HLA-DPB1: variants seen among roughly 807,000 people sequenced by gnomAD.
The protein encoded by HLA-DPB1 is HLA class II histocompatibility antigen, DP beta 1 chain.
In HLA-DPB1, 30 loss-of-function variants were observed where a neutral mutation model predicts 29.4. That is an observed-to-expected ratio of 1.02 (90% CI 0.76 to 1.38). The LOEUF (loss-of-function observed/expected upper bound fraction) is 1.38, where lower values mean the gene tolerates loss of function less well. HLA-DPB1 is among the 40% of genes most tolerant of loss of function. The probability of loss-of-function intolerance (pLI) is 0.00; values close to 1 mark genes in which losing one functional copy is unlikely to be tolerated. For synonymous variants in HLA-DPB1, 114 were observed against 134.0 expected, an observed-to-expected ratio of 0.85 and a Z score of 1.03; for missense variants, 261 against 327.5, an observed-to-expected ratio of 0.80 and a Z score of 1.57.
rs935029305 is a variant in HLA-DPB1 at position 33,089,012 on chromosome 6, G to A, written c.*2478G>A. ...ACACTGCCTCAGATGGTTATCAAGG[G>A]GTACCCTAAGAAGAAATCATCTCAC... On this transcript the variant is annotated 3_prime_UTR_variant, in exon 6 of 6. Transcript: ENST00000418931. Among the ~76,000 whole-genome samples the A allele has an allele frequency of 6.6e-6, 1 of 152,018 alleles. No individual in the cohort carries two copies. Among genetic ancestry groups the A allele is most frequent in the Non-Finnish European group, 1.5e-5 (1 of 68,018 alleles).
rs757429222 is a variant in HLA-DPB1, at chr6:33,086,203, T to C, written c.758-16T>C. ...TTTCAATGGCTGATTATATAACCTT[T>C]CGTCTTTCATTTCAGTTCAACGAGG... On this transcript the variant is annotated splice_polypyrimidine_tract_variant and intron_variant, in intron 4 of 5. Transcript: ENST00000418931. The C allele has an allele frequency of 8.3e-6, 13 of 1,565,974 alleles. No individual in the cohort carries two copies. The highest frequency in any genetic ancestry group is 1.4e-5 in the African/African-American group (1 of 72,230).
At position 33,076,071 on chromosome 6, in the gene HLA-DPB1, C is replaced by A; in HGVS notation, c.30C>A (p.Pro10=). Residue 10 remains proline (P), a synonymous_variant, in exon 1 of 6, where the codon CCC becomes CCA. Coordinates refer to ENST00000418931, the MANE Select transcript of HLA-DPB1 (RefSeq NM_002121.6). MMVLQVSAA[P]RTVALTALLM... ...TGGTTCTGCAGGTTTCTGCGGCCCCCCGGACAGTGGCTCTGACGGCGTTAC... is the reference window on the plus strand; with the variant it reads ...TGGTTCTGCAGGTTTCTGCGGCCCCACGGACAGTGGCTCTGACGGCGTTAC... 1 of 1,612,632 alleles carries A rather than the reference C, an allele frequency of 6.2e-7. No homozygotes were observed. Among genetic ancestry groups the A allele is most frequent in the Non-Finnish European group, 8.5e-7 (1 of 1,179,920 alleles).
chr6:33,076,066 GC>G lies in HLA-DPB1; in HGVS notation c.31del (p.Arg11GlyfsTer5). 6.2e-7 allele frequency: 1 copy of G among 1,612,324 alleles called. No homozygotes were observed. MMVLQVSA[A>X]PRTVALTALL... is the part of the protein sequence containing the mutation. ...CATGATGGTTCTGCAGGTTTCTGCGGCCCCCCGGACAGTGGCTCTGACGGCG... is the reference window on the plus strand; with the variant it reads ...CATGATGGTTCTGCAGGTTTCTGCGGCCCCCGGACAGTGGCTCTGACGGCG... On this transcript the variant is annotated frameshift_variant, in exon 1 of 6. Transcript: ENST00000418931. LOFTEE classifies it high-confidence loss of function.
At chr6:33,086,466 C>T (rs1763110438) in intron 5 of HLA-DPB1, 73 bp from the exon 6 acceptor site, 4 of 696,908 alleles carry the variant, frequency 5.7e-6, no homozygotes, top group African/African-American at 1.8e-5. Flanking sequence ...CATCCTCTCA[C>T]CATAATTTTT....
intron 1 of HLA-DPB1, among the ~76,000 whole-genome samples, chr6:33,076,592 G>A (rs1018191491): frequency 2.6e-5 from 4 of 152,162 alleles, no homozygotes; most frequent in African/African-American, 9.7e-5. Flanking sequence ...TATTCCCCAG[G>A]GTGGAGCAGG....
rs570647134 is a variant in HLA-DPB1, at chr6:33,076,549, A to G, written c.100+408A>G. On this transcript the variant is annotated intron_variant, in intron 1 of 5. Coordinates refer to ENST00000418931, the MANE Select transcript of HLA-DPB1 (RefSeq NM_002121.6). ...CTGGAGTGTCCAGGCTCTGAGGATC[A>G]CTGAGGATTCAGTGCTCACGAAGAA... 2.6e-5 allele frequency among the ~76,000 whole-genome samples: 4 copies of G among 152,298 alleles called. No homozygotes were observed. In the East Asian group the frequency reaches 7.7e-4, roughly 29 times the overall value.
At chr6:33,076,870 A>G (rs767146363) in intron 1 of HLA-DPB1, among the ~76,000 whole-genome samples, 4 of 152,068 alleles carry the variant, frequency 2.6e-5, no homozygotes, top group Non-Finnish European at 5.9e-5. Context: ...GTGTAATATT[A>G]TGGCATCTAT....
In HLA-DPB1 at chr6:33,080,981, CCCG is replaced by C; in HGVS notation, c.364+47_364+49del. ...GGCGGTCCCAGGGCAGCCCCGCGGG[CCCG>C]TGCCCAGGGCGCAGGAGCAGCCGGG... On this transcript the variant is annotated intron_variant, in intron 2 of 5. Coordinates refer to ENST00000418931, the MANE Select transcript of HLA-DPB1 (RefSeq NM_002121.6). This position sits in a 1 kb window ranked among gnomAD's most constrained non-coding sequence, Gnocchi z 4.3. 6.6e-7 allele frequency: 1 copy of C among 1,518,976 alleles called. No individual in the cohort carries two copies. Among genetic ancestry groups the C allele is most frequent in the South Asian group, 1.3e-5 (1 of 77,752 alleles). 94.1% of individuals were successfully genotyped at this position (1,518,976 alleles called of 1,614,324 possible).
intron 4 of HLA-DPB1, 147 bp from the exon 5 acceptor site, chr6:33,086,072 C>T: frequency 1.2e-6 from 1 of 831,894 alleles, no homozygotes; most frequent in Non-Finnish European, 2.0e-6. Flanking sequence ...CTTAATGCAG[C>T]CAGATGCATG....
chr6:33,082,367 C>T (rs9277369), intron 2 of HLA-DPB1, among the ~76,000 whole-genome samples: 20,530 of 150,974 alleles, frequency 0.14, 1,533 homozygotes, highest in Non-Finnish European at 0.17. Flanking sequence ...CAACCTCACT[C>T]CTCTGAAGAC....
chr6:33,079,954 C>G (rs1308574481), intron 1 of HLA-DPB1: 2 of 228,158 alleles, frequency 8.8e-6, no homozygotes, highest in African/African-American at 4.7e-5. Context: ...ACTCTACCCC[C>G]ACAGGTCCCT....
At chr6:33,081,684 G>A (rs573824397) in intron 2 of HLA-DPB1, among the ~76,000 whole-genome samples, 57 of 152,236 alleles carry the variant, frequency 3.7e-4, no homozygotes, top group African/African-American at 1.3e-3. Context: ...GGCAGGAGCT[G>A]GAATGGGAGG....
At chr6:33,085,376 G>C (rs1258077731) in intron 3 of HLA-DPB1, 145 bp downstream of exon 3, 1 of 738,664 alleles carries the variant, frequency 1.4e-6, no homozygotes, top group Non-Finnish European at 2.2e-6. Context: ...CCTGAGCATA[G>C]TTTGAAGCCA....
At chr6:33,082,694 C>G (rs866148860) in intron 2 of HLA-DPB1, among the ~76,000 whole-genome samples, 18 of 151,976 alleles carry the variant, frequency 1.2e-4, no homozygotes, top group African/African-American at 4.1e-4. Context: ...AACACAGAGG[C>G]AAGGGAGAGG....
At chr6:33,079,560 A>C in intron 1 of HLA-DPB1, 1 of 378,324 alleles carries the variant, frequency 2.6e-6, no homozygotes. Flanking sequence ...AACTGGCGGA[A>C]ACCCAGAGGT....
chr6:33,076,193 AG>A lies in HLA-DPB1; in HGVS notation c.100+56del, dbSNP rs561267918. ...GGGTCTGGCTCAGGGAACAATTCCT[AG>A]GGGACGTTATCTTTAAGGGATCAAA... On this transcript the variant is annotated intron_variant, in intron 1 of 5. Coordinates refer to ENST00000418931, the MANE Select transcript of HLA-DPB1 (RefSeq NM_002121.6). 1.0e-3 allele frequency: 1,236 copies of A among 1,240,352 alleles called. 13 individuals carry two copies. In the African/African-American group the frequency reaches 0.017, roughly 17 times the overall value. The allele number at this position is 1,240,352 out of a possible 1,614,324, so 76.8% of individuals were successfully genotyped here.
chr6:33,081,887 G>A (rs1418736965), intron 2 of HLA-DPB1: 1 of 152,536 alleles, frequency 6.6e-6, no homozygotes, highest in Non-Finnish European at 1.5e-5. Flanking sequence ...GGGACAGGAA[G>A]GCCTTGGAGC....
At position 33,080,754 on chromosome 6, in the gene HLA-DPB1, G is replaced by C. The variant is rs1421502975; in HGVS notation, c.183G>C (p.Arg61=). The C allele has an allele frequency of 1.9e-6, 3 of 1,613,346 alleles. No individual in the cohort carries two copies. The highest frequency in any genetic ancestry group is 2.7e-5 in the African/African-American group (2 of 74,854). ...QRFLERYIYN[R]EEFARFDSDV... Reference sequence around the variant, plus strand: ...TCCTGGAGAGATACATCTACAACCGGGAGGAGTTCGCGCGCTTCGACAGCG... The same window carrying C: ...TCCTGGAGAGATACATCTACAACCGCGAGGAGTTCGCGCGCTTCGACAGCG... Residue 61 remains arginine (R), a synonymous_variant, in exon 2 of 6, where the codon CGG becomes CGC. Transcript: ENST00000418931. The surrounding 1 kb of genome is among the most constrained non-coding windows in gnomAD (Gnocchi z 4.3).
chr6:33,087,370 C>T lies in HLA-DPB1; in HGVS notation c.*836C>T, dbSNP rs1763154828. ...AAATGACTCCCCACTGGGGAAAGAG[C>T]AAAGCAATACATGTAGCACTCTTTT... On this transcript the variant is annotated 3_prime_UTR_variant, in exon 6 of 6. Coordinates refer to ENST00000418931, the MANE Select transcript of HLA-DPB1 (RefSeq NM_002121.6). Among the ~76,000 whole-genome samples, 3 of 151,630 alleles carry T rather than the reference C, an allele frequency of 2.0e-5. No individual in the cohort carries two copies.
Sources: gnomAD v4.1 joint callset for allele counts (sites outside exome capture counted in the v4.1 genomes callset) on GRCh38, gnomAD v4.1.1 for gene constraint, Gnocchi (gnomAD v3.1) non-coding constraint, MANE v1.5 for transcripts, NCBI Gene and HGNC (gene_info 2026-07-23, HGNC 2026-07-21) for gene names.